The following LRP1B variants were observed in gnomAD, a reference collection of about 807,000 sequenced individuals.
LRP1B encodes the protein low-density lipoprotein receptor-related protein 1B.
A neutral mutation model predicts 556.6 loss-of-function variants in LRP1B; 217 were observed. The ratio of observed to expected loss-of-function variants is 0.39; its 90% CI spans 0.35 to 0.44. The LOEUF (loss-of-function observed/expected upper bound fraction) is 0.44, where lower values mean the gene tolerates loss of function less well. Ranked by LOEUF, LRP1B falls within the 20% of genes least tolerant of loss-of-function variation. The pLI is 1.00. For synonymous variants in LRP1B, 2,047 were observed against 1,865.8 expected (o/e 1.10, Z -2.50); for missense variants, 5,053 against 5,620.8 (o/e 0.90, Z 3.23).
At chr2:141,772,376 A>G (rs551684551) in intron 2 of LRP1B, among the ~76,000 whole-genome samples, 1 of 152,306 alleles carries the variant, frequency 6.6e-6, no homozygotes, top group East Asian at 1.9e-4. Flanking sequence ...GTGTCTCAGA[A>G]TATACAAAAT....
intron 20 of LRP1B, among the ~76,000 whole-genome samples, chr2:140,934,441 C>T (rs1249182366): frequency 6.6e-6 from 1 of 152,142 alleles, no homozygotes; most frequent in East Asian, 1.9e-4. Flanking sequence ...ATTGCACTAG[C>T]AGGATCTTTC....
At chr2:140,492,063 A>G (rs964144293) in intron 57 of LRP1B, among the ~76,000 whole-genome samples, 1 of 152,202 alleles carries the variant, frequency 6.6e-6, no homozygotes, top group Non-Finnish European at 1.5e-5. Context: ...CTGAGTAGCC[A>G]GAAATCTGGA....
chr2:141,268,709 A>G (rs1684980705), intron 3 of LRP1B, among the ~76,000 whole-genome samples: 1 of 152,098 alleles, frequency 6.6e-6, no homozygotes, highest in Admixed American at 6.6e-5. Flanking sequence ...CACCTCCTAG[A>G]TTTTCTCTTT....
At chr2:141,366,247 T>C (rs910416613) in intron 3 of LRP1B, among the ~76,000 whole-genome samples, 10 of 152,332 alleles carry the variant, frequency 6.6e-5, no homozygotes, top group African/African-American at 1.9e-4. Flanking sequence ...AGAGGTTACT[T>C]GTGTTTATCA....
At chr2:141,891,271 C>G (rs1288840820) in intron 1 of LRP1B, among the ~76,000 whole-genome samples, 1 of 152,074 alleles carries the variant, frequency 6.6e-6, no homozygotes, top group Non-Finnish European at 1.5e-5. Flanking sequence ...ATGAACTTCC[C>G]TATGTCAACT....
chr2:142,015,618 C>G (rs569278882), intron 1 of LRP1B, among the ~76,000 whole-genome samples: 3 of 152,220 alleles, frequency 2.0e-5, no homozygotes, highest in African/African-American at 7.2e-5. Flanking sequence ...TTTTTGCAAT[C>G]TACTCATCTG....
At chr2:141,097,490 G>A (rs1482644829) in intron 7 of LRP1B, among the ~76,000 whole-genome samples, 1 of 152,064 alleles carries the variant, frequency 6.6e-6, no homozygotes, top group Admixed American at 6.6e-5. Flanking sequence ...AACAAAGTTG[G>A]GGTAAAGAAA....
rs772472942 is a variant in LRP1B at position 141,517,029 on chromosome 2, A to AAAAAAAAAAAAAAAAAC, written c.206-36497_206-36496insGTTTTTTTTTTTTTTTT. On this transcript the variant is annotated intron_variant, in intron 2 of 90. Transcript: ENST00000389484. ...TAAAAAAAAAAAAAAAAAAAAAAAAAAAAGTAAATCAATGAAATAATTTAA... is the reference window on the plus strand; with the variant it reads ...TAAAAAAAAAAAAAAAAAAAAAAAAAAAAAAAAAAAAAAAAACAAAGTAAATCAATGAAATAATTTAA... Among the ~76,000 whole-genome samples the AAAAAAAAAAAAAAAAAC allele has an allele frequency of 7.1e-4, 64 of 90,170 alleles. 8 individuals carry two copies. The highest frequency in any genetic ancestry group is 1.0e-3 in the Non-Finnish European group (48 of 46,900). 59.2% of individuals were successfully genotyped at this position (90,170 alleles called of 152,430 possible). A position where few individuals can be genotyped will look rare whatever the true frequency, so the allele number is the denominator to read the frequency against.
chr2:140,949,299 A>C (rs1159215852), intron 20 of LRP1B, among the ~76,000 whole-genome samples: 3 of 152,198 alleles, frequency 2.0e-5, no homozygotes, highest in Non-Finnish European at 4.4e-5. Flanking sequence ...TACTAATTGT[A>C]TGATTGCTTG....
chr2:140,950,904 A>G (rs974374173), intron 19 of LRP1B, among the ~76,000 whole-genome samples: 1 of 151,700 alleles, frequency 6.6e-6, no homozygotes, highest in Non-Finnish European at 1.5e-5. Flanking sequence ...AATTATTTTC[A>G]TCTTCATATT....
chr2:141,462,304 G>T (rs934439533), intron 3 of LRP1B, among the ~76,000 whole-genome samples: 3 of 152,100 alleles, frequency 2.0e-5, no homozygotes, highest in African/African-American at 7.2e-5. Context: ...ACCTAAAGCT[G>T]AGCATTTATT....
At chr2:141,002,542 T>A (rs1697456258) in intron 15 of LRP1B, among the ~76,000 whole-genome samples, 1 of 152,086 alleles carries the variant, frequency 6.6e-6, no homozygotes, top group Non-Finnish European at 1.5e-5. Flanking sequence ...TATCCTTTCA[T>A]ATACTTTAAA....
intron 2 of LRP1B, among the ~76,000 whole-genome samples, chr2:141,518,486 G>A (rs192329495): frequency 2.6e-4 from 39 of 152,180 alleles, no homozygotes; most frequent in Admixed American, 1.4e-3. Context: ...ATTTCACTTT[G>A]GGTGTTTTCC....
In LRP1B at chr2:140,907,041, T is replaced by C. The variant is rs1204143829; in HGVS notation, c.3520+836A>G. Among the ~76,000 whole-genome samples the C allele has an allele frequency of 2.6e-5, 4 of 151,876 alleles. 1 individual carries two copies. The highest frequency in any genetic ancestry group is 9.7e-5 in the African/African-American group (4 of 41,380). ...TTAATGCTCATTTGAGGTCAAAATA[T>C]AACTTTGGGCTTCAATGTAGTTGTC... On this transcript the variant is annotated intron_variant, in intron 22 of 90. Coordinates refer to ENST00000389484, the MANE Select transcript of LRP1B (RefSeq NM_018557.3).
intron 35 of LRP1B, among the ~76,000 whole-genome samples, chr2:140,720,888 A>C (rs1233897073): frequency 1.3e-5 from 2 of 152,276 alleles, no homozygotes; most frequent in East Asian, 3.9e-4. Context: ...CTGTCCTAAA[A>C]TAATCACCAG....
Position 140,238,446 on chromosome 2 carries a change from T to C in LRP1B, c.13416-150A>G, listed in dbSNP as rs1205381338. Reference sequence around the variant, plus strand: ...TAACAGAGGAACAAAAAGTAGTACATTGATAGGCTGTTTTCCCAGTTGTTT... The same window carrying C: ...TAACAGAGGAACAAAAAGTAGTACACTGATAGGCTGTTTTCCCAGTTGTTT... On this transcript the variant is annotated intron_variant, in intron 88 of 90. Transcript: ENST00000389484. 1.5e-5 allele frequency: 7 copies of C among 460,824 alleles called. No homozygotes were observed. The Admixed American group carries it at 2.5e-4, about 16-fold the overall frequency. The allele number at this position is 460,824 out of a possible 1,614,324, so 28.5% of individuals were successfully genotyped here.
chr2:141,700,330 G>A (rs1362630706), intron 2 of LRP1B, among the ~76,000 whole-genome samples: 1 of 151,584 alleles, frequency 6.6e-6, no homozygotes, highest in Non-Finnish European at 1.5e-5. Flanking sequence ...TTTTACTTCT[G>A]TATTCCCAGT....
chr2:140,989,862 A>G (rs1697037956), intron 16 of LRP1B, among the ~76,000 whole-genome samples: 2 of 152,156 alleles, frequency 1.3e-5, no homozygotes, highest in Admixed American at 6.6e-5. Context: ...ACATCAAGTA[A>G]TTACATCTTA....
intron 66 of LRP1B, among the ~76,000 whole-genome samples, chr2:140,402,965 A>C (rs1684572960): frequency 1.3e-5 from 2 of 152,196 alleles, no homozygotes; most frequent in Admixed American, 1.3e-4. Flanking sequence ...CCACACATCA[A>C]GTACATTGCT....
Sources: allele counts gnomAD v4.1 joint callset (sites outside exome capture counted in the v4.1 genomes callset), GRCh38; gene constraint gnomAD v4.1.1; transcripts MANE v1.5; gene names NCBI Gene and HGNC (gene_info 2026-07-23, HGNC 2026-07-21).